Variants in ZNF254 observed in about 807,000 individuals in gnomAD.
ZNF254 encodes CTD-2017D11.1.
A neutral mutation model predicts 12.4 loss-of-function variants in ZNF254; 10 were observed. That is an observed-to-expected ratio of 0.80 (90% CI 0.50 to 1.36). The LOEUF is 1.36. Ranked by LOEUF, ZNF254 falls within the 40% of genes most tolerant of loss-of-function variation. The probability of loss-of-function intolerance (pLI) is 0.00; values close to 1 mark genes in which losing one functional copy is unlikely to be tolerated. For missense variants in ZNF254, 996 were observed against 763.9 expected (o/e 1.30, Z -3.58); for synonymous variants, 305 against 253.4 (o/e 1.20, Z -1.93).
At chr19:24,057,124 A>G (rs1272207320) in intron 2 of ZNF254, among the ~76,000 whole-genome samples, 2 of 152,198 alleles carry the variant, frequency 1.3e-5, no homozygotes, top group Non-Finnish European at 2.9e-5. Context: ...CACATATTGT[A>G]TAAAGTCCTC....
chr19:24,069,467 C>T (rs1313101521), intron 2 of ZNF254, among the ~76,000 whole-genome samples: 1 of 149,786 alleles, frequency 6.7e-6, no homozygotes, highest in Non-Finnish European at 1.5e-5. Flanking sequence ...ACTCTCCAGG[C>T]GTGGTGGCGG....
chr19:24,043,267 A>AT (rs5827564), intron 1 of ZNF254, among the ~76,000 whole-genome samples: 26,263 of 149,234 alleles, frequency 0.18, 2,336 homozygotes, highest in Middle Eastern at 0.23. Context: ...CCAAAAAAAA[A>AT]TTTTTTTTTT....
At chr19:24,034,985 G>A (rs956727139) in intron 1 of ZNF254, among the ~76,000 whole-genome samples, 2 of 151,922 alleles carry the variant, frequency 1.3e-5, no homozygotes, top group African/African-American at 4.8e-5. Flanking sequence ...TTGCAGCAAG[G>A]GGAAAGCACC....
upstream of ZNF254, among the ~76,000 whole-genome samples, chr19:24,083,493 A>ATAG (rs1228419052): frequency 2.0e-5 from 3 of 152,206 alleles, no homozygotes; most frequent in African/African-American, 7.2e-5. Flanking sequence ...AAGAACCTGC[A>ATAG]TAGACAAAGC....
At chr19:24,097,056 G>T (rs1182399424) in intron 1 of ZNF254, among the ~76,000 whole-genome samples, 1 of 152,152 alleles carries the variant, frequency 6.6e-6, no homozygotes, top group Non-Finnish European at 1.5e-5. Flanking sequence ...CATTTAGATT[G>T]TGTGTAGATT....
At chr19:24,089,207 C>T (rs1386231418) in intron 1 of ZNF254, among the ~76,000 whole-genome samples, 1 of 152,130 alleles carries the variant, frequency 6.6e-6, no homozygotes, top group Non-Finnish European at 1.5e-5. Context: ...AACTCCCGAC[C>T]TCGGGTGATA....
rs761479877 is a variant in ZNF254 at position 24,127,972 on chromosome 19, C to G, written c.1972C>G (p.Gln658Glu). The G allele has an allele frequency of 6.4e-6, 10 of 1,552,398 alleles. No individual in the cohort carries two copies. The African/African-American group carries it at 6.9e-5, about 11-fold the overall frequency. The part of the protein sequence containing the change: ...DKITHWREIL[Q>E]V Reference sequence around the variant, plus strand: ...GATAACTCATTGGAGAGAAATCTTACAAGTATGAATAATGTGCCAAAGCCT... The same window carrying G: ...GATAACTCATTGGAGAGAAATCTTAGAAGTATGAATAATGTGCCAAAGCCT... Residue 658 changes from glutamine to glutamate, a missense_variant, in exon 4 of 4, where the codon CAA (glutamine) becomes GAA (glutamate). Gln to Glu is a conservative substitution (Grantham distance 29). Transcript: ENST00000357002.
chr19:24,054,827 C>A (rs1747277183), intron 2 of ZNF254, among the ~76,000 whole-genome samples: 1 of 152,092 alleles, frequency 6.6e-6, no homozygotes, highest in South Asian at 2.1e-4. Flanking sequence ...GGGCTTAGGG[C>A]CACAAGTATG....
At chr19:24,115,737 T>C (rs902762520) in intron 3 of ZNF254, among the ~76,000 whole-genome samples, 2 of 152,180 alleles carry the variant, frequency 1.3e-5, no homozygotes, top group Non-Finnish European at 2.9e-5. Flanking sequence ...ATCCTGTCGT[T>C]AGGATGCTGG....
intron 2 of ZNF254, chr19:24,066,865 A>T (rs1239960235): frequency 6.6e-6 from 1 of 152,054 alleles, no homozygotes; most frequent in African/African-American, 2.4e-5. Context: ...GCACCACTGC[A>T]CTCCATCCTG....
At chr19:24,040,459 A>C (rs1014375015) in intron 1 of ZNF254, among the ~76,000 whole-genome samples, 3 of 152,230 alleles carry the variant, frequency 2.0e-5, no homozygotes, top group African/African-American at 7.2e-5. Context: ...TGAGAAAGTA[A>C]ATAGAAACAC....
At chr19:24,048,709 C>CCT (rs1257058168) in intron 2 of ZNF254, among the ~76,000 whole-genome samples, 2 of 149,448 alleles carry the variant, frequency 1.3e-5, no homozygotes, top group African/African-American at 2.5e-5. Flanking sequence ...GTTTTTTTTC[C>CCT]CTCTCTCTCT....
intron 3 of ZNF254, among the ~76,000 whole-genome samples, chr19:24,116,275 A>G (rs1292090634): frequency 6.6e-6 from 1 of 152,122 alleles, no homozygotes; most frequent in African/African-American, 2.4e-5. Flanking sequence ...CTCCTGGATA[A>G]TATCCTGCAG....
chr19:24,105,080 G>T (rs188929951), intron 1 of ZNF254: 6 of 152,430 alleles, frequency 3.9e-5, no homozygotes, highest in Admixed American at 3.9e-4. Flanking sequence ...TAGTAATGTC[G>T]TGTCCTTCTG....
intron 3 of ZNF254, among the ~76,000 whole-genome samples, chr19:24,113,892 CAG>C (rs1464655708): frequency 2.0e-5 from 3 of 151,932 alleles, no homozygotes; most frequent in Non-Finnish European, 1.5e-5. Flanking sequence ...ACACCAATAA[CAG>C]AGAGCCAAAT....
chr19:24,037,835 C>T (rs1020542731), intron 1 of ZNF254, among the ~76,000 whole-genome samples: 10 of 152,158 alleles, frequency 6.6e-5, no homozygotes, highest in Admixed American at 6.5e-4. Context: ...TCTCGAGCTC[C>T]CGACCTCAGG....
rs1599573740 is a variant in ZNF254, at chr19:24,042,788, T to TA, written c.-189-3394dup. Among the ~76,000 whole-genome samples, 4 of 152,246 alleles carry TA rather than the reference T, an allele frequency of 2.6e-5. No individual in the cohort carries two copies. The East Asian group carries it at 7.7e-4, about 29-fold the overall frequency. On this transcript the variant is annotated intron_variant, in intron 1 of 4. Transcript: ENST00000613065. ...TTCCTCTCCACTAATATCACGGCAG[T>TA]AATTATGGGCCCATCTGTGCATTGG...
At chr19:24,073,042 G>A (rs1038848954) in intron 2 of ZNF254, among the ~76,000 whole-genome samples, 1 of 152,050 alleles carries the variant, frequency 6.6e-6, no homozygotes, top group African/African-American at 2.4e-5. Context: ...TAAATTCCTG[G>A]GTCTTCTCTA....
intron 3 of ZNF254, among the ~76,000 whole-genome samples, chr19:24,125,390 A>G (rs933381019): frequency 6.6e-6 from 1 of 151,460 alleles, no homozygotes; most frequent in Non-Finnish European, 1.5e-5. Flanking sequence ...TTTATTACCA[A>G]TTATTAAAAT....
Sources: gnomAD v4.1 joint callset for allele counts (sites outside exome capture counted in the v4.1 genomes callset) on GRCh38, gnomAD v4.1.1 for gene constraint, MANE v1.5 for transcripts, NCBI Gene and HGNC (gene_info 2026-07-23, HGNC 2026-07-21) for gene names.